The following TENM4 variants were observed in gnomAD, a reference collection of about 807,000 sequenced individuals.
TENM4 encodes teneurin transmembrane protein 4, also known as teneurin-4.
Under a neutral mutation model 243.3 loss-of-function variants are expected in TENM4, and 82 were observed. The ratio of observed to expected loss-of-function variants is 0.34; its 90% confidence interval spans 0.28 to 0.40. The LOEUF is 0.40. Ranked by LOEUF, TENM4 falls within the 10% of genes least tolerant of loss-of-function variation. TENM4 has a pLI of 1.00. For synonymous variants in TENM4, 1,412 were observed against 1,456.3 expected (o/e 0.97, Z 0.69); for missense variants, 3,138 against 3,673.3 (o/e 0.85, Z 3.77).
chr11:78,970,477 G>A (rs1269202034), intron 6 of TENM4, among the ~76,000 whole-genome samples: 1 of 152,152 alleles, frequency 6.6e-6, no homozygotes, highest in Admixed American at 6.6e-5. Context: ...CTGTAAAAAT[G>A]TATTGATTTG....
intron 7 of TENM4, among the ~76,000 whole-genome samples, chr11:78,892,758 C>T (rs537732000): frequency 1.2e-4 from 18 of 152,282 alleles, no homozygotes; most frequent in South Asian, 6.2e-4. Flanking sequence ...AAAGTCAGTA[C>T]CGTCATCTCT....
At chr11:79,299,435 C>A (rs1271818411) in intron 1 of TENM4, among the ~76,000 whole-genome samples, 1 of 152,196 alleles carries the variant, frequency 6.6e-6, no homozygotes, top group Non-Finnish European at 1.5e-5. Flanking sequence ...CCCAGATATG[C>A]AATTCTGTGC....
intron 1 of TENM4, among the ~76,000 whole-genome samples, chr11:79,342,097 A>G (rs1857251473): frequency 6.6e-6 from 1 of 152,172 alleles, no homozygotes; most frequent in African/African-American, 2.4e-5. Flanking sequence ...CCCCACAATC[A>G]CAGAGGACAC....
chr11:78,977,618 G>T (rs1367190296), intron 6 of TENM4, among the ~76,000 whole-genome samples: 1 of 152,174 alleles, frequency 6.6e-6, no homozygotes, highest in East Asian at 1.9e-4. Flanking sequence ...CATCATTACT[G>T]GTCATTAGAG....
chr11:79,436,176 C>T (rs1859267975), intron 1 of TENM4, among the ~76,000 whole-genome samples: 1 of 152,100 alleles, frequency 6.6e-6, no homozygotes, highest in African/African-American at 2.4e-5. Context: ...GATGTTAAAA[C>T]TGACAGTGTT....
At chr11:78,932,466 G>A (rs1236165929) in intron 6 of TENM4, among the ~76,000 whole-genome samples, 1 of 152,224 alleles carries the variant, frequency 6.6e-6, no homozygotes, top group Non-Finnish European at 1.5e-5. Flanking sequence ...GGTTCTGGAA[G>A]TGTTCCGAGA....
intron 20 of TENM4, 37 bp from the exon 21 acceptor site, chr11:78,732,614 C>T: frequency 6.5e-7 from 1 of 1,544,690 alleles, no homozygotes; most frequent in Non-Finnish European, 8.8e-7. Context: ...GGGCGGGGAG[C>T]AGGAAGAGCA....
chr11:79,007,105 A>G (rs908563303), intron 6 of TENM4, among the ~76,000 whole-genome samples: 5 of 152,170 alleles, frequency 3.3e-5, no homozygotes, highest in East Asian at 1.9e-4. Context: ...TACCCTGCAG[A>G]TTTTGGGCTT....
intron 1 of TENM4, among the ~76,000 whole-genome samples, chr11:79,439,581 C>G (rs561540163): frequency 6.6e-6 from 1 of 151,944 alleles, no homozygotes; most frequent in South Asian, 2.1e-4. Flanking sequence ...CCCGACCCCC[C>G]CGCCAAGAAG....
intron 2 of TENM4, among the ~76,000 whole-genome samples, chr11:79,257,116 A>G (rs1423390841): frequency 6.6e-6 from 1 of 152,092 alleles, no homozygotes; most frequent in Non-Finnish European, 1.5e-5. Flanking sequence ...GGATGCATGC[A>G]GGTGGTAGGA....
chr11:79,396,641 T>C (rs1858351212), intron 1 of TENM4, among the ~76,000 whole-genome samples: 1 of 152,204 alleles, frequency 6.6e-6, no homozygotes, highest in Non-Finnish European at 1.5e-5. Flanking sequence ...AAGGAATGGC[T>C]AGAGGCATAA....
At chr11:79,030,475 G>C (rs1859197628) in intron 6 of TENM4, among the ~76,000 whole-genome samples, 1 of 152,138 alleles carries the variant, frequency 6.6e-6, no homozygotes, top group African/African-American at 2.4e-5. Flanking sequence ...CAAAAAGCTA[G>C]AGTCATTTCG....
chr11:78,747,969 C>G (rs1856089880), intron 19 of TENM4, among the ~76,000 whole-genome samples: 1 of 152,194 alleles, frequency 6.6e-6, no homozygotes. Flanking sequence ...GCCAGGGGCT[C>G]TCTCTGGCCT....
At chr11:78,918,588 T>C (rs1856374289) in intron 6 of TENM4, among the ~76,000 whole-genome samples, 1 of 152,190 alleles carries the variant, frequency 6.6e-6, no homozygotes, top group Non-Finnish European at 1.5e-5. Flanking sequence ...GCCTAATTTA[T>C]ACAGCCCAGG....
chr11:79,283,882 C>A (rs1178211214), intron 2 of TENM4, among the ~76,000 whole-genome samples: 1 of 152,012 alleles, frequency 6.6e-6, no homozygotes, highest in Non-Finnish European at 1.5e-5. Context: ...GATCAATGTA[C>A]AATCAGTTGT....
intron 5 of TENM4, chr11:79,068,099 C>T (rs914869218): frequency 6.6e-6 from 1 of 152,246 alleles, no homozygotes; most frequent in African/African-American, 2.4e-5. Flanking sequence ...TGAGCTCTGT[C>T]ACTTACGGAC....
intron 4 of TENM4, among the ~76,000 whole-genome samples, chr11:79,087,141 T>C (rs1030177543): frequency 6.6e-6 from 1 of 152,156 alleles, no homozygotes. Flanking sequence ...TGTTTCTGAG[T>C]AGCTATGATC....
intron 6 of TENM4, among the ~76,000 whole-genome samples, chr11:79,048,639 A>G (rs1235868628): frequency 6.6e-6 from 1 of 152,128 alleles, no homozygotes; most frequent in Non-Finnish European, 1.5e-5. Flanking sequence ...GTCTTTGGCC[A>G]GATTGTATTA....
At chr11:78,750,754 G>A (rs1256283259) in intron 19 of TENM4, among the ~76,000 whole-genome samples, 1 of 152,154 alleles carries the variant, frequency 6.6e-6, no homozygotes, top group African/African-American at 2.4e-5. Flanking sequence ...CAAGGCATGG[G>A]ACCCACAAAG....
Sources: gnomAD v4.1 joint callset for allele counts (sites outside exome capture counted in the v4.1 genomes callset) on GRCh38, gnomAD v4.1.1 for gene constraint, MANE v1.5 for transcripts, NCBI Gene and HGNC (gene_info 2026-07-23, HGNC 2026-07-21) for gene names.